The following MYMX variants were observed in gnomAD, a reference collection of about 807,000 sequenced individuals.
MYMX encodes the protein myomixer, myoblast fusion factor.
the MYMX span, among the ~76,000 whole-genome samples, chr6:44,208,979 T>A: frequency 2.0e-5 from 3 of 152,214 alleles, no homozygotes; most frequent in Admixed American, 6.5e-5. Flanking sequence ...ACTCTCTTTT[T>A]TTGAGACAGG....
At chr6:44,194,337 G>T in the MYMX span, among the ~76,000 whole-genome samples, 4 of 152,204 alleles carry the variant, frequency 2.6e-5, no homozygotes, top group Admixed American at 2.6e-4. Context: ...AAGGGGGGAA[G>T]AAAATAGGCT....
chr6:44,196,566 C>T, the MYMX span, among the ~76,000 whole-genome samples: 1 of 152,122 alleles, frequency 6.6e-6, no homozygotes, highest in South Asian at 2.1e-4. Flanking sequence ...GTAATCCCTG[C>T]TACTCAGAAG....
upstream of MYMX, among the ~76,000 whole-genome samples, chr6:44,212,728 T>TA (rs1775657040): frequency 6.6e-6 from 1 of 151,836 alleles, no homozygotes; most frequent in Non-Finnish European, 1.5e-5. Context: ...AAAATACACT[T>TA]ATGCAAAGCT....
chr6:44,210,769 C>G, the MYMX span, among the ~76,000 whole-genome samples: 1 of 152,284 alleles, frequency 6.6e-6, no homozygotes, highest in East Asian at 1.9e-4. Context: ...CTACTTTTGT[C>G]TTCTTATTAT....
At chr6:44,214,718 G>T (rs560270797), upstream of MYMX, among the ~76,000 whole-genome samples, 30 of 152,080 alleles carry the variant, frequency 2.0e-4, no homozygotes, top group Non-Finnish European at 3.7e-4. Context: ...GACTATAGGC[G>T]CATGCCAGCA....
the MYMX span, among the ~76,000 whole-genome samples, chr6:44,207,400 A>G: frequency 6.6e-6 from 1 of 152,064 alleles, no homozygotes. Context: ...TGGCCTCCCA[A>G]AATGCTGGGA....
the MYMX span, among the ~76,000 whole-genome samples, chr6:44,194,783 G>A: frequency 2.6e-5 from 4 of 152,116 alleles, no homozygotes; most frequent in Non-Finnish European, 4.4e-5. Context: ...GAGGGAGGTC[G>A]GGAAGGAAAG....
the MYMX span, among the ~76,000 whole-genome samples, chr6:44,206,494 A>C: frequency 6.6e-6 from 1 of 152,114 alleles, no homozygotes; most frequent in Non-Finnish European, 1.5e-5. Context: ...GGCCTCCCAA[A>C]GTGTTGGGGC....
chr6:44,205,146 C>T, the MYMX span, among the ~76,000 whole-genome samples: 30 of 152,094 alleles, frequency 2.0e-4, no homozygotes, highest in Middle Eastern at 3.4e-3. Flanking sequence ...TGATATTCCC[C>T]GGTGATCAAA....
At chr6:44,207,419 A>G in the MYMX span, among the ~76,000 whole-genome samples, 2 of 152,322 alleles carry the variant, frequency 1.3e-5, no homozygotes, top group South Asian at 4.1e-4. Context: ...GATTACAGGC[A>G]TGAGCCACCG....
At chr6:44,201,406 C>T in the MYMX span, among the ~76,000 whole-genome samples, 1 of 152,148 alleles carries the variant, frequency 6.6e-6, no homozygotes, top group African/African-American at 2.4e-5. Context: ...CACACCCTGC[C>T]CTTGATGAGG....
At chr6:44,203,468 T>C in the MYMX span, among the ~76,000 whole-genome samples, 4 of 152,188 alleles carry the variant, frequency 2.6e-5, no homozygotes, top group East Asian at 7.7e-4. Context: ...AGGATTTCCA[T>C]TCTTAAAGGG....
At chr6:44,213,683 G>A (rs948874290), upstream of MYMX, among the ~76,000 whole-genome samples, 1 of 152,200 alleles carries the variant, frequency 6.6e-6, no homozygotes, top group Non-Finnish European at 1.5e-5. Flanking sequence ...GCCTCCCAGA[G>A]TGCTGGGATT....
the MYMX span, among the ~76,000 whole-genome samples, chr6:44,199,939 C>T: frequency 6.6e-6 from 1 of 152,178 alleles, no homozygotes; most frequent in Non-Finnish European, 1.5e-5. Flanking sequence ...AGCGTCTTGG[C>T]CTCCTAAAGT....
chr6:44,207,833 T>A, the MYMX span, among the ~76,000 whole-genome samples: 1 of 152,172 alleles, frequency 6.6e-6, no homozygotes, highest in Non-Finnish European at 1.5e-5. Flanking sequence ...GCCCGGTCAG[T>A]AAAGATTTAT....
the MYMX span, among the ~76,000 whole-genome samples, chr6:44,202,901 G>A: frequency 6.6e-6 from 1 of 152,188 alleles, no homozygotes; most frequent in African/African-American, 2.4e-5. Flanking sequence ...CATCATCCCA[G>A]GCCCAGGAAT....
At chr6:44,206,386 C>T in the MYMX span, among the ~76,000 whole-genome samples, 4 of 151,998 alleles carry the variant, frequency 2.6e-5, no homozygotes, top group African/African-American at 7.2e-5. Context: ...CCCGCCACAA[C>T]GTCCAGCTAA....
chr6:44,193,745 G>A, the MYMX span, among the ~76,000 whole-genome samples: 2 of 152,218 alleles, frequency 1.3e-5, no homozygotes, highest in South Asian at 4.1e-4. Context: ...CACTTTGGGA[G>A]GCCAAGGCTG....
At chr6:44,209,462 C>G in the MYMX span, among the ~76,000 whole-genome samples, 13 of 152,318 alleles carry the variant, frequency 8.5e-5, no homozygotes, top group East Asian at 2.3e-3. Context: ...ATGATATTTG[C>G]TCAACATTCA....
Sources: gnomAD v4.1 joint callset for allele counts (sites outside exome capture counted in the v4.1 genomes callset) on GRCh38, gnomAD v4.1.1 for gene constraint, MANE v1.5 for transcripts, NCBI Gene and HGNC (gene_info 2026-07-23, HGNC 2026-07-21) for gene names.